The following MTPN variants were observed in gnomAD, a reference collection of about 807,000 sequenced individuals.
MTPN encodes myotrophin, also known as granule cell differentiation protein.
In MTPN, 2 loss-of-function variants were observed where a neutral mutation model predicts 13.5. The ratio of observed to expected loss-of-function variants is 0.15; its 90% confidence interval spans 0.06 to 0.47. The LOEUF is 0.47. MTPN is among the 20% of genes least tolerant of loss of function. The pLI is 0.97. For synonymous variants in MTPN, 46 were observed against 51.7 expected (o/e 0.89, Z 0.48); for missense variants, 79 against 137.9 (o/e 0.57, Z 2.14).
intron 3 of MTPN, among the ~76,000 whole-genome samples, chr7:135,931,098 C>T (rs549676378): frequency 7.9e-5 from 12 of 152,134 alleles, no homozygotes; most frequent in African/African-American, 2.2e-4. Context: ...TTTATCCATG[C>T]GGGCTCTAGA....
Position 135,930,016 on chromosome 7 carries a change from GA to G in MTPN, c.271-5del. The G allele has an allele frequency of 6.7e-7, 1 of 1,486,768 alleles. No homozygotes were observed. Among genetic ancestry groups the G allele is most frequent in the South Asian group, 1.1e-5 (1 of 89,524 alleles). The allele number at this position is 1,486,768 out of a possible 1,614,324, so 92.1% of individuals were successfully genotyped here. ...CTTTCACAGTCTTATCAGCACCCTGGAAAAGAGAGGAAAGGGCTCATTAAAT... is the reference window on the plus strand; with the variant it reads ...CTTTCACAGTCTTATCAGCACCCTGGAAAGAGAGGAAAGGGCTCATTAAAT... On this transcript the variant is annotated splice_region_variant and splice_polypyrimidine_tract_variant and intron_variant, in intron 3 of 3. Transcript: ENST00000393085.
At chr7:135,970,195 A>T (rs186995065) in intron 1 of MTPN, among the ~76,000 whole-genome samples, 51 of 152,356 alleles carry the variant, frequency 3.3e-4, no homozygotes, top group Non-Finnish European at 5.7e-4. Flanking sequence ...ATACATTTCA[A>T]TGTGGAAAGC....
At chr7:135,964,182 A>G (rs10270421) in intron 1 of MTPN, among the ~76,000 whole-genome samples, 14,930 of 152,020 alleles carry the variant, frequency 0.098, 1,060 homozygotes, top group African/African-American at 0.2. Flanking sequence ...AAGGAACCAA[A>G]TATAACTTTA....
At chr7:135,970,755 T>G (rs1799681608) in intron 1 of MTPN, among the ~76,000 whole-genome samples, 1 of 152,106 alleles carries the variant, frequency 6.6e-6, no homozygotes, top group East Asian at 1.9e-4. Context: ...CTTCCTCTAT[T>G]TTATATATTT....
chr7:135,977,030 T>G lies in MTPN; in HGVS notation c.71A>C (p.Lys24Thr). Residue 24 changes from lysine to threonine, a missense_variant and splice_region_variant, in exon 1 of 4, where the codon AAG becomes ACG. Physicochemically the swap from Lys to Thr is moderately conservative, Grantham distance 78 (BLOSUM62 -1). Coordinates refer to ENST00000393085, the MANE Select transcript of MTPN (RefSeq NM_145808.4). Reference protein sequence around the residue: ...DLDEVKDYVAKGEDVNRTLEG... With the variant: ...DLDEVKDYVATGEDVNRTLEG... The stretch of plus-strand genomic sequence containing the variant: ...CCTACTCTTCTCATCCCCGCTTACC[T>G]TGGCCACATAGTCTTTCACCTCATC... 1 of 1,590,458 alleles carries G rather than the reference T, an allele frequency of 6.3e-7. No homozygotes were observed. The highest frequency in any genetic ancestry group is 8.6e-7 in the Non-Finnish European group (1 of 1,165,552).
At chr7:135,957,097 T>C (rs998323362) in intron 1 of MTPN, among the ~76,000 whole-genome samples, 12 of 152,230 alleles carry the variant, frequency 7.9e-5, no homozygotes, top group Admixed American at 3.9e-4. Flanking sequence ...AGAACCTAGA[T>C]TGTATTATAT....
chr7:135,966,474 T>G (rs1408575929), intron 1 of MTPN, among the ~76,000 whole-genome samples: 1 of 152,108 alleles, frequency 6.6e-6, no homozygotes, highest in African/African-American at 2.4e-5. Context: ...AGCTCTGATT[T>G]TGAAAGATCA....
chr7:135,935,768 C>CAGTACAGTATTAGA (rs1562928969), intron 3 of MTPN, among the ~76,000 whole-genome samples: 1 of 152,164 alleles, frequency 6.6e-6, no homozygotes, highest in Non-Finnish European at 1.5e-5. Flanking sequence ...CGCCAAACAA[C>CAGTACAGTATTAGA]GTACTGTACT....
At chr7:135,969,092 G>GT (rs1247257282) in intron 1 of MTPN, among the ~76,000 whole-genome samples, 1 of 109,560 alleles carries the variant, frequency 9.1e-6, no homozygotes, top group Non-Finnish European at 1.9e-5. Flanking sequence ...GTGGGGTGGG[G>GT]GGGGGGGAGG....
chr7:135,927,147 T>G lies in MTPN; in HGVS notation c.*2779A>C. The G allele has an allele frequency of 1.6e-6, 1 of 619,702 alleles. No individual in the cohort carries two copies. Among genetic ancestry groups the G allele is most frequent in the Non-Finnish European group, 2.5e-6 (1 of 400,422 alleles). 38.4% of individuals were successfully genotyped at this position (619,702 alleles called of 1,614,324 possible). A position where few individuals can be genotyped will look rare whatever the true frequency, so the allele number is the denominator to read the frequency against. Reference sequence around the variant, plus strand: ...TCAACTGAAATATTAGAAAAAAAAATCAAACAGATACATACAGATTTAAAA... The same window carrying G: ...TCAACTGAAATATTAGAAAAAAAAAGCAAACAGATACATACAGATTTAAAA... On this transcript the variant is annotated 3_prime_UTR_variant, in exon 4 of 4. Coordinates refer to ENST00000393085, the MANE Select transcript of MTPN (RefSeq NM_145808.4).
At chr7:135,948,120 T>C (rs548107476) in intron 3 of MTPN, among the ~76,000 whole-genome samples, 23 of 152,276 alleles carry the variant, frequency 1.5e-4, no homozygotes, top group African/African-American at 5.5e-4. Context: ...ATATAAACAC[T>C]GATTATAACT....
chr7:135,954,796 A>G (rs1464488060), intron 1 of MTPN, among the ~76,000 whole-genome samples: 1 of 152,116 alleles, frequency 6.6e-6, no homozygotes, highest in East Asian at 1.9e-4. Context: ...ACAACAAATT[A>G]GCTGGGCGTG....
Position 135,927,452 on chromosome 7 carries a change from CAA to C in MTPN, c.*2472_*2473del. On this transcript the variant is annotated 3_prime_UTR_variant, in exon 4 of 4. Transcript: ENST00000393085. ...TGCATATGAAATGACTGATTTAATACAAAACTACAGAACATGCAAAATTTTTT... is the reference window on the plus strand; with the variant it reads ...TGCATATGAAATGACTGATTTAATACAACTACAGAACATGCAAAATTTTTT... 1 of 1,528,884 alleles carries C rather than the reference CAA, an allele frequency of 6.5e-7. No individual in the cohort carries two copies. Among genetic ancestry groups the C allele is most frequent in the South Asian group, 1.2e-5 (1 of 80,074 alleles). 94.7% of individuals were successfully genotyped at this position (1,528,884 alleles called of 1,614,324 possible). A position where few individuals can be genotyped will look rare whatever the true frequency, so the allele number is the denominator to read the frequency against.
In MTPN at chr7:135,951,505, T is replaced by A. The variant is rs1474427094; in HGVS notation, c.186+12A>T. On this transcript the variant is annotated intron_variant, in intron 2 of 3. Transcript: ENST00000393085. ...GAAAATTTTTTCAAGAATGATCACG[T>A]CCTCTACGTACATTAATATCTGCTC... is the stretch of plus-strand genomic sequence containing the variant. The A allele has an allele frequency of 3.2e-6, 5 of 1,580,344 alleles. No homozygotes were observed. Among genetic ancestry groups the A allele is most frequent in the Non-Finnish European group, 4.3e-6 (5 of 1,156,940 alleles).
intron 1 of MTPN, among the ~76,000 whole-genome samples, chr7:135,965,288 T>C (rs1296340659): frequency 6.6e-6 from 1 of 152,114 alleles, no homozygotes; most frequent in African/African-American, 2.4e-5. Flanking sequence ...TCACAATCCC[T>C]ATTTACAGAT....
At chr7:135,946,660 T>C (rs1799293404) in intron 3 of MTPN, among the ~76,000 whole-genome samples, 1 of 152,208 alleles carries the variant, frequency 6.6e-6, no homozygotes, top group Non-Finnish European at 1.5e-5. Flanking sequence ...AAGGACTTTT[T>C]AATACCACCT....
chr7:135,969,909 C>A (rs1365379037), intron 1 of MTPN, among the ~76,000 whole-genome samples: 1 of 152,076 alleles, frequency 6.6e-6, no homozygotes, highest in Non-Finnish European at 1.5e-5. Context: ...ATCCAAATGG[C>A]AAAATCTAAA....
rs572551045 is a variant in MTPN, at chr7:135,977,359, T to C, written c.-259A>G. On this transcript the variant is annotated 5_prime_UTR_variant, in exon 1 of 4. Transcript: ENST00000393085. ...GAGGAGAGGCAGGAACCTTTACACT[T>C]CCGGTTCACTCCCCGCTAGGACCCT... is the stretch of plus-strand genomic sequence containing the variant. 1.9e-6 allele frequency: 1 copy of C among 523,966 alleles called. No individual in the cohort carries two copies. Among genetic ancestry groups the C allele is most frequent in the Non-Finnish European group, 3.5e-6 (1 of 289,238 alleles). 32.5% of individuals were successfully genotyped at this position (523,966 alleles called of 1,614,324 possible).
At chr7:135,963,408 A>G (rs2116397250) in intron 1 of MTPN, among the ~76,000 whole-genome samples, 1 of 152,180 alleles carries the variant, frequency 6.6e-6, no homozygotes, top group East Asian at 1.9e-4. Context: ...GTGTCAAACA[A>G]TACCACAATT....
Sources: gnomAD v4.1 joint callset for allele counts (sites outside exome capture counted in the v4.1 genomes callset) on GRCh38, gnomAD v4.1.1 for gene constraint, MANE v1.5 for transcripts, NCBI Gene and HGNC (gene_info 2026-07-23, HGNC 2026-07-21) for gene names.